Variants in CREB5 observed in about 807,000 individuals in gnomAD.
CREB5 encodes the protein cAMP responsive element binding protein 5.
In CREB5, 19 loss-of-function variants were observed where a neutral mutation model predicts 57.1. The ratio of observed to expected loss-of-function variants is 0.33; its 90% CI spans 0.23 to 0.49. The LOEUF is 0.49. CREB5 is among the 20% of genes least tolerant of loss of function. The pLI is 0.99. For synonymous variants in CREB5, 238 were observed against 238.3 expected (o/e 1.00, Z 0.01); for missense variants, 579 against 671.6 (o/e 0.86, Z 1.52).
chr7:28,440,351 C>T (rs749600958), intron 1 of CREB5, among the ~76,000 whole-genome samples: 2 of 152,196 alleles, frequency 1.3e-5, no homozygotes, highest in South Asian at 2.1e-4. Context: ...AATTTTTAAG[C>T]GAGGCCTGTT....
intron 4 of CREB5, among the ~76,000 whole-genome samples, chr7:28,550,439 G>C (rs536757670): frequency 2.0e-5 from 3 of 152,180 alleles, no homozygotes; most frequent in Non-Finnish European, 4.4e-5. Flanking sequence ...TGTGGAGGGG[G>C]CTGAAAGAGA....
Position 28,330,817 on chromosome 7 carries a change from G to A in CREB5, c.-25+31376G>A, listed in dbSNP as rs1270163444. Among the ~76,000 whole-genome samples the A allele has an allele frequency of 2.6e-5, 4 of 152,132 alleles. No homozygotes were observed. In the East Asian group the frequency reaches 5.8e-4, roughly 22 times the overall value. ...GTAATTGGACTTGTTTTTCCTAAAA[G>A]CCAAAATGGCTGGAAAAATATCCAA... On this transcript the variant is annotated intron_variant, in intron 1 of 9. Transcript: ENST00000396299.
At chr7:28,529,871 C>G (rs1201275408) in intron 4 of CREB5, among the ~76,000 whole-genome samples, 1 of 152,200 alleles carries the variant, frequency 6.6e-6, no homozygotes, top group African/African-American at 2.4e-5. Context: ...AGGAAAGTTT[C>G]TTCTACGGTG....
chr7:28,804,183 T>C lies in CREB5; in HGVS notation c.703-16T>C. The C allele has an allele frequency of 3.7e-6, 6 of 1,606,636 alleles. No individual in the cohort carries two copies. The highest frequency in any genetic ancestry group is 5.1e-6 in the Non-Finnish European group (6 of 1,173,944). ...GACTTCAGTTGTTCTCTCTCCTCCC[T>C]TTTGTTCTGTTTCAGAGGTTGAAGG... On this transcript the variant is annotated splice_polypyrimidine_tract_variant and intron_variant, in intron 7 of 10. Transcript: ENST00000357727.
intron 1 of CREB5, among the ~76,000 whole-genome samples, chr7:28,392,575 C>T (rs912814186): frequency 1.1e-4 from 16 of 152,170 alleles, no homozygotes; most frequent in African/African-American, 3.9e-4. Context: ...GCAATATTTG[C>T]CTTGTAGGTT....
chr7:28,562,134 T>C (rs2128643531), intron 4 of CREB5, among the ~76,000 whole-genome samples: 1 of 152,328 alleles, frequency 6.6e-6, no homozygotes, highest in East Asian at 1.9e-4. Context: ...TCAATCTTGA[T>C]TCCAGTAACC....
At position 28,575,605 on chromosome 7, in the gene CREB5, G is replaced by A. The variant is rs755701780; in HGVS notation, c.464+5068G>A. Among the ~76,000 whole-genome samples, 17 of 152,188 alleles carry A rather than the reference G, an allele frequency of 1.1e-4. 1 individual carries two copies. The highest frequency in any genetic ancestry group is 2.4e-4 in the Non-Finnish European group (16 of 68,022). ...TGGAGACAGCGGGGCAGCAGGTCCC[G>A]GCTTGTCACTGGTCCTCAGCCCTTA... On this transcript the variant is annotated intron_variant, in intron 5 of 10. Coordinates refer to ENST00000357727, the MANE Select transcript of CREB5 (RefSeq NM_182898.4).
At chr7:28,680,360 T>G (rs1489239592) in intron 5 of CREB5, among the ~76,000 whole-genome samples, 7 of 152,216 alleles carry the variant, frequency 4.6e-5, no homozygotes, top group Admixed American at 2.6e-4. Context: ...GATCAGCTAC[T>G]ATGCCTTGTC....
chr7:28,443,966 C>T (rs1789312776), intron 1 of CREB5, among the ~76,000 whole-genome samples: 1 of 152,174 alleles, frequency 6.6e-6, no homozygotes, highest in South Asian at 2.1e-4. Context: ...AATTTAGTAG[C>T]ACATAGAAGA....
intron 2 of CREB5, among the ~76,000 whole-genome samples, chr7:28,492,727 T>C: frequency 6.7e-6 from 1 of 148,630 alleles, no homozygotes; most frequent in African/African-American, 2.4e-5. Flanking sequence ...AATATATATA[T>C]AAAATATAGT....
chr7:28,665,978 G>A (rs1014089184), intron 5 of CREB5, among the ~76,000 whole-genome samples: 3 of 152,006 alleles, frequency 2.0e-5, no homozygotes, highest in African/African-American at 7.2e-5. Context: ...GGATTAAATG[G>A]CCTAAACTTT....
chr7:28,516,668 C>T (rs1792972839), intron 4 of CREB5, among the ~76,000 whole-genome samples: 2 of 152,170 alleles, frequency 1.3e-5, no homozygotes, highest in African/African-American at 4.8e-5. Context: ...TAGGAAGCTC[C>T]GCCTTAAGGT....
chr7:28,507,620 A>G lies in CREB5; in HGVS notation c.174A>G (p.Gln58=), dbSNP rs145890705. Reference sequence around the variant, plus strand: ...GCTCTCCGACTCTGTTTTCAGATCAAACTCCGACCCCAACGAGATTCCTGA... The same window carrying G: ...GCTCTCCGACTCTGTTTTCAGATCAGACTCCGACCCCAACGAGATTCCTGA... ...SIKTDNMLSD[Q]TPTPTRFLKN... is the part of the protein sequence containing the mutation. Residue 58 remains glutamine (Q), a synonymous_variant, in exon 4 of 11, where the codon CAA becomes CAG. Transcript: ENST00000357727. 6.5e-5 allele frequency: 104 copies of G among 1,609,526 alleles called. No homozygotes were observed. The African/African-American group carries it at 1.3e-3, about 19-fold the overall frequency.
At chr7:28,643,785 A>T (rs1294485014) in intron 5 of CREB5, among the ~76,000 whole-genome samples, 1 of 151,288 alleles carries the variant, frequency 6.6e-6, no homozygotes, top group Non-Finnish European at 1.5e-5. Flanking sequence ...AAAACACACA[A>T]ACCTGGAGTC....
intron 7 of CREB5, among the ~76,000 whole-genome samples, chr7:28,790,472 GAGAA>G (rs1257333632): frequency 2.6e-4 from 32 of 124,950 alleles, no homozygotes; most frequent in South Asian, 1.4e-3. Context: ...TAGAGAGAGA[GAGAA>G]AGAAAGAAAG....
At chr7:28,419,488 C>A (rs150017192) in intron 1 of CREB5, among the ~76,000 whole-genome samples, 1 of 152,220 alleles carries the variant, frequency 6.6e-6, no homozygotes, top group East Asian at 1.9e-4. Context: ...GTGCAATTTT[C>A]GACCAGTGCC....
chr7:28,390,045 T>G (rs562122985), intron 1 of CREB5, among the ~76,000 whole-genome samples: 4 of 56,568 alleles, frequency 7.1e-5, no homozygotes, highest in East Asian at 3.5e-4. Flanking sequence ...AGTAGGAGGG[T>G]TTTTTTTTTT....
intron 5 of CREB5, among the ~76,000 whole-genome samples, chr7:28,602,117 G>A (rs1277082942): frequency 6.6e-6 from 1 of 150,610 alleles, no homozygotes; most frequent in Non-Finnish European, 1.5e-5. Flanking sequence ...ACAAATTTGG[G>A]CTATTTTATT....
At chr7:28,410,148 C>A (rs1156310729), upstream of CREB5, 1 of 390,114 alleles carries the variant, frequency 2.6e-6, no homozygotes, top group African/African-American at 2.1e-5. Context: ...CCGGCTGCAG[C>A]GGGTGGGCGC....
Sources: allele counts gnomAD v4.1 joint callset (sites outside exome capture counted in the v4.1 genomes callset), GRCh38; gene constraint gnomAD v4.1.1; transcripts MANE v1.5; gene names NCBI Gene and HGNC (gene_info 2026-07-23, HGNC 2026-07-21).